CDC23: variants seen among roughly 807,000 people sequenced by gnomAD.
CDC23 encodes cell division cycle 23, also known as cell division cycle protein 23 homolog.
Under a neutral mutation model 81.7 loss-of-function variants are expected in CDC23, and 26 were observed. The ratio of observed to expected loss-of-function variants is 0.32; its 90% confidence interval spans 0.23 to 0.44. CDC23 has a LOEUF of 0.44. Ranked by LOEUF, CDC23 falls within the 20% of genes least tolerant of loss-of-function variation. The pLI, the probability that CDC23 is intolerant of heterozygous loss-of-function variation, is 1.00. For synonymous variants in CDC23, 267 were observed against 270.8 expected (o/e 0.99, Z 0.14); for missense variants, 519 against 728.0 (o/e 0.71, Z 3.30).
chr5:138,207,753 C>T (rs1755067634), intron 2 of CDC23, among the ~76,000 whole-genome samples: 1 of 152,028 alleles, frequency 6.6e-6, no homozygotes, highest in South Asian at 2.1e-4. Context: ...CTCAGGAGTT[C>T]AGGACCGGCC....
intron 9 of CDC23, among the ~76,000 whole-genome samples, chr5:138,195,596 TA>T (rs1263310584): frequency 2.6e-5 from 2 of 77,874 alleles, no homozygotes; most frequent in African/African-American, 7.4e-5. Flanking sequence ...ATATAATATA[TA>T]TTATATATGA....
intron 9 of CDC23, among the ~76,000 whole-genome samples, chr5:138,195,830 T>C (rs1263740702): frequency 1.5e-5 from 2 of 130,106 alleles, no homozygotes; most frequent in Non-Finnish European, 3.1e-5. Flanking sequence ...TAATATATAT[T>C]ATATACATAT....
In CDC23 at chr5:138,191,940, GAGAA is replaced by G; in HGVS notation, c.1287-7_1287-4del. On this transcript the variant is annotated splice_polypyrimidine_tract_variant and splice_region_variant and intron_variant, in intron 11 of 15. Transcript: ENST00000394886. Reference sequence around the variant, plus strand: ...CCAGCATGCGAGAATCATTGGGTCTGAGAAAGAAGAACAGGCAGTCTGAGCAAAG... The same window carrying G: ...CCAGCATGCGAGAATCATTGGGTCTGAGAAGAACAGGCAGTCTGAGCAAAG... 1 of 1,613,640 alleles carries G rather than the reference GAGAA, an allele frequency of 6.2e-7. No individual in the cohort carries two copies. The highest frequency in any genetic ancestry group is 8.5e-7 in the Non-Finnish European group (1 of 1,179,584).
At chr5:138,189,216 T>A in intron 15 of CDC23, 68 bp from the exon 16 acceptor site, 1 of 1,476,634 alleles carries the variant, frequency 6.8e-7, no homozygotes, top group Non-Finnish European at 9.3e-7. Context: ...GTTATTAAGA[T>A]GCTGTTAAAC....
intron 3 of CDC23, among the ~76,000 whole-genome samples, chr5:138,203,520 G>C (rs950380168): frequency 1.3e-5 from 2 of 152,154 alleles, no homozygotes; most frequent in Non-Finnish European, 2.9e-5. Flanking sequence ...GACAAATAAG[G>C]CTGTTTCAGA....
chr5:138,204,810 G>A (rs1348126380), intron 3 of CDC23, among the ~76,000 whole-genome samples: 3 of 151,986 alleles, frequency 2.0e-5, no homozygotes, highest in East Asian at 2.0e-4. Flanking sequence ...TAGTAGAGAC[G>A]GGGTTTCACC....
chr5:138,198,897 C>A, intron 6 of CDC23, 115 bp from the exon 7 acceptor site: 1 of 1,034,688 alleles, frequency 9.7e-7, no homozygotes, highest in East Asian at 2.5e-5. Context: ...TTTATTAGAA[C>A]ACCTAGTAAT....
intron 2 of CDC23, among the ~76,000 whole-genome samples, chr5:138,209,815 C>T (rs1238928952): frequency 6.7e-6 from 1 of 150,238 alleles, no homozygotes. Flanking sequence ...TACAGCAAAA[C>T]TCCGTCTCAA....
chr5:138,212,579 G>A (rs1484739990), intron 2 of CDC23, among the ~76,000 whole-genome samples: 1 of 152,182 alleles, frequency 6.6e-6, no homozygotes, highest in Non-Finnish European at 1.5e-5. Context: ...GCCTCCTAAA[G>A]TGTTGGGATT....
intron 2 of CDC23, 116 bp from the exon 3 acceptor site, chr5:138,206,800 C>T (rs912219622): frequency 9.0e-6 from 8 of 885,382 alleles, no homozygotes; most frequent in Non-Finnish European, 1.2e-5. Flanking sequence ...TTTCTTCCTC[C>T]TAAAAACCTA....
intron 13 of CDC23, 95 bp downstream of exon 13, chr5:138,191,379 A>G: frequency 1.0e-6 from 1 of 997,456 alleles, no homozygotes; most frequent in East Asian, 2.4e-5. Context: ...ACCTATGTAG[A>G]ATGATGGGTG....
At chr5:138,194,412 C>G (rs1449633363) in intron 9 of CDC23, among the ~76,000 whole-genome samples, 1 of 152,024 alleles carries the variant, frequency 6.6e-6, no homozygotes, top group Non-Finnish European at 1.5e-5. Flanking sequence ...CAGAGAGAGA[C>G]CGTGTCTCAA....
intron 9 of CDC23, among the ~76,000 whole-genome samples, chr5:138,197,198 C>T (rs1214595394): frequency 7.5e-5 from 11 of 147,362 alleles, no homozygotes; most frequent in Non-Finnish European, 1.3e-4. Context: ...CCCAGCTACT[C>T]GGGAGGCTGA....
At position 138,206,622 on chromosome 5, in the gene CDC23, A is replaced by G; in HGVS notation, c.297T>C (p.Tyr99=). 6 of 1,614,122 alleles carry G rather than the reference A, an allele frequency of 3.7e-6. No individual in the cohort carries two copies. The highest frequency in any genetic ancestry group is 5.1e-6 in the Non-Finnish European group (6 of 1,179,980). The stretch of plus-strand genomic sequence containing the variant: ...CATGCAGGAAATGTGCTGCCCGATC[A>G]TACTCTTTAACGTCAAAGTAGGCCT... ...LAKAYFDVKE[Y]DRAAHFLHGC... is the part of the protein sequence containing the mutation. Residue 99 remains tyrosine (Y), a synonymous_variant, in exon 3 of 16, where the codon TAT becomes TAC. Transcript: ENST00000394886.
chr5:138,191,860 A>G lies in CDC23; in HGVS notation c.1362+2T>C. On this transcript the variant is annotated splice_donor_variant, in intron 12 of 15. Transcript: ENST00000394886. LOFTEE classifies it high-confidence loss of function. The stretch of plus-strand genomic sequence containing the variant: ...AATTCTTCAGGACCCAATTTAAGGT[A>G]CCTTTTTGGCTTCCACTAGTTGATT... 1 of 1,611,692 alleles carries G rather than the reference A, an allele frequency of 6.2e-7. No homozygotes were observed. Among genetic ancestry groups the G allele is most frequent in the Non-Finnish European group, 8.5e-7 (1 of 1,177,754 alleles).
intron 15 of CDC23, 94 bp from the exon 16 acceptor site, chr5:138,189,242 AGGAGGCG>A: frequency 8.5e-7 from 1 of 1,173,868 alleles, no homozygotes. Flanking sequence ...CCACAGATCA[AGGAGGCG>A]GGAGGCTTGC....
intron 4 of CDC23, 27 bp downstream of exon 4, chr5:138,202,086 C>A (rs1400779868): frequency 8.8e-6 from 14 of 1,589,924 alleles, no homozygotes; most frequent in Non-Finnish European, 1.1e-5. Context: ...CTTTTTAGGT[C>A]AAAAGGTAAA....
intron 9 of CDC23, among the ~76,000 whole-genome samples, chr5:138,195,481 G>A (rs917630875): frequency 5.3e-5 from 7 of 132,838 alleles, no homozygotes; most frequent in Non-Finnish European, 1.1e-4. Flanking sequence ...ATGCTATACT[G>A]CAGTATACAT....
At chr5:138,195,747 GTATATA>G (rs1172871661) in intron 9 of CDC23, among the ~76,000 whole-genome samples, 6 of 106,760 alleles carry the variant, frequency 5.6e-5, no homozygotes, top group Non-Finnish European at 1.1e-4. Context: ...TAATATATAT[GTATATA>G]TATACATATA....
Sources: gnomAD v4.1 joint callset for allele counts (sites outside exome capture counted in the v4.1 genomes callset) on GRCh38, gnomAD v4.1.1 for gene constraint, MANE v1.5 for transcripts, NCBI Gene and HGNC (gene_info 2026-07-23, HGNC 2026-07-21) for gene names.